Variants in CHRM3 observed in about 807,000 individuals in gnomAD.
The protein encoded by CHRM3 is cholinergic receptor muscarinic 3, also known as muscarinic acetylcholine receptor M3.
Under a neutral mutation model 41.8 loss-of-function variants are expected in CHRM3, and 11 were observed. That is an observed-to-expected ratio of 0.26 (90% confidence interval 0.17 to 0.44). The LOEUF is 0.44. CHRM3 is among the 20% of genes least tolerant of loss of function. The probability of loss-of-function intolerance (pLI) is 1.00; values close to 1 mark genes in which losing one functional copy is unlikely to be tolerated. For synonymous variants in CHRM3, 297 were observed against 301.4 expected, an observed-to-expected ratio of 0.99 and a Z score of 0.15; for missense variants, 571 against 745.4, an observed-to-expected ratio of 0.77 and a Z score of 2.72.
At position 239,674,184 on chromosome 1, in the gene CHRM3, G is replaced by A. The variant is rs191349900; in HGVS notation, c.-249-4002G>A. 5.3e-3 allele frequency among the ~76,000 whole-genome samples: 802 copies of A among 152,074 alleles called. 7 individuals are homozygous for A. The highest frequency in any genetic ancestry group is 6.4e-3 in the Non-Finnish European group (435 of 68,004). On this transcript the variant is annotated intron_variant, in intron 4 of 6. Transcript: ENST00000676153. ...ATTTTTTTGACTTTAAATTATTTCC[G>A]TGGAATAATTTGTGAGTGGGATTAC... is the stretch of plus-strand genomic sequence containing the variant.
intron 1 of CHRM3, among the ~76,000 whole-genome samples, chr1:239,417,485 A>AGTGT (rs1272712484): frequency 6.6e-6 from 1 of 151,782 alleles, no homozygotes; most frequent in Non-Finnish European, 1.5e-5. Context: ...ATAAATCATA[A>AGTGT]GTGTGTGGTG....
chr1:239,550,515 A>G (rs1039343414), intron 3 of CHRM3, among the ~76,000 whole-genome samples: 3 of 152,214 alleles, frequency 2.0e-5, no homozygotes, highest in African/African-American at 7.2e-5. Flanking sequence ...TAGATTGCAC[A>G]ATAAATAATT....
At chr1:239,838,676 C>T (rs1673531871) in intron 6 of CHRM3, among the ~76,000 whole-genome samples, 1 of 152,136 alleles carries the variant, frequency 6.6e-6, no homozygotes. Context: ...GTAGACTTGG[C>T]ATCTTCTCCC....
intron 5 of CHRM3, among the ~76,000 whole-genome samples, chr1:239,688,499 A>G (rs1186530862): frequency 7.1e-6 from 1 of 140,754 alleles, no homozygotes; most frequent in African/African-American, 2.6e-5. Flanking sequence ...TATAATATAT[A>G]TTATATATGT....
chr1:239,711,390 T>G (rs943387126), intron 5 of CHRM3, among the ~76,000 whole-genome samples: 4 of 152,084 alleles, frequency 2.6e-5, no homozygotes, highest in African/African-American at 9.7e-5. Flanking sequence ...CCTCTTTCCA[T>G]GTGGTTCAAT....
intron 6 of CHRM3, among the ~76,000 whole-genome samples, chr1:239,858,757 C>G (rs1007251097): frequency 6.6e-6 from 1 of 152,106 alleles, no homozygotes; most frequent in African/African-American, 2.4e-5. Flanking sequence ...CAGTGACTCC[C>G]CATTTGTTCC....
intron 5 of CHRM3, among the ~76,000 whole-genome samples, chr1:239,744,453 G>A (rs1442070553): frequency 3.9e-5 from 6 of 152,144 alleles, no homozygotes. Context: ...TGATGGTTGA[G>A]CAACAACCTG....
intron 2 of CHRM3, among the ~76,000 whole-genome samples, chr1:239,496,510 A>AGT (rs71166874): frequency 0.37 from 54,219 of 144,656 alleles, 10,052 homozygotes; most frequent in East Asian, 0.57. Flanking sequence ...TAGTAATTCT[A>AGT]GTGTGTGTGT....
chr1:239,559,187 G>A (rs893444552), intron 3 of CHRM3, among the ~76,000 whole-genome samples: 6 of 152,248 alleles, frequency 3.9e-5, no homozygotes, highest in African/African-American at 1.4e-4. Flanking sequence ...ACTGTGAAAA[G>A]GTCATACTAG....
At chr1:239,752,254 AGAGAGCT>A (rs1665891962) in intron 5 of CHRM3, among the ~76,000 whole-genome samples, 2 of 152,350 alleles carry the variant, frequency 1.3e-5, no homozygotes, top group East Asian at 3.9e-4. Flanking sequence ...AAACATCGTC[AGAGAGCT>A]ATTCATAATT....
At chr1:239,672,007 C>A (rs1415042415) in intron 4 of CHRM3, among the ~76,000 whole-genome samples, 2 of 152,122 alleles carry the variant, frequency 1.3e-5, no homozygotes, top group African/African-American at 2.4e-5. Context: ...TGCCTCCCAG[C>A]TTTTCCACCT....
intron 3 of CHRM3, among the ~76,000 whole-genome samples, chr1:239,576,037 T>A (rs895159497): frequency 6.6e-6 from 1 of 152,152 alleles, no homozygotes; most frequent in Non-Finnish European, 1.5e-5. Flanking sequence ...AGTCATGAAT[T>A]TGACTACTCT....
At chr1:239,541,956 T>C (rs1008274512) in intron 2 of CHRM3, among the ~76,000 whole-genome samples, 1 of 152,174 alleles carries the variant, frequency 6.6e-6, no homozygotes, top group African/African-American at 2.4e-5. Flanking sequence ...TTGTAACTCC[T>C]GTGAAGGAAA....
At chr1:239,463,157 C>T (rs1178847095) in intron 1 of CHRM3, among the ~76,000 whole-genome samples, 3 of 152,050 alleles carry the variant, frequency 2.0e-5, no homozygotes, top group Non-Finnish European at 4.4e-5. Flanking sequence ...AAGCAGCTAG[C>T]ACAGAGTTTG....
At chr1:239,604,143 C>G (rs1665949011) in intron 3 of CHRM3, among the ~76,000 whole-genome samples, 1 of 152,078 alleles carries the variant, frequency 6.6e-6, no homozygotes, top group East Asian at 1.9e-4. Context: ...GATGCAGATG[C>G]TGGATTAAAC....
intron 3 of CHRM3, among the ~76,000 whole-genome samples, chr1:239,549,590 G>T (rs191908663): frequency 2.0e-5 from 3 of 151,124 alleles, no homozygotes; most frequent in Non-Finnish European, 2.9e-5. Flanking sequence ...GAGCCTGTGG[G>T]GTGGAGGTTG....
chr1:239,852,720 C>T (rs1674794771), intron 6 of CHRM3, among the ~76,000 whole-genome samples: 2 of 152,126 alleles, frequency 1.3e-5, no homozygotes, highest in African/African-American at 2.4e-5. Context: ...CTTCAGACAC[C>T]CTAGAATTAT....
chr1:239,737,564 A>G (rs781324191), intron 5 of CHRM3, among the ~76,000 whole-genome samples: 2 of 152,206 alleles, frequency 1.3e-5, no homozygotes, highest in Non-Finnish European at 2.9e-5. Context: ...TTGCTTTTAC[A>G]ACATCCTCTG....
At chr1:239,874,313 A>ACACAGTG (rs774627013) in intron 6 of CHRM3, among the ~76,000 whole-genome samples, 2 of 32,780 alleles carry the variant, frequency 6.1e-5, no homozygotes, top group Admixed American at 4.1e-4. Flanking sequence ...ATATATATAT[A>ACACAGTG]TATATATATA....
Sources: allele counts gnomAD v4.1 joint callset (sites outside exome capture counted in the v4.1 genomes callset), GRCh38; gene constraint gnomAD v4.1.1; transcripts MANE v1.5; gene names NCBI Gene and HGNC (gene_info 2026-07-23, HGNC 2026-07-21).